Variants in DYNC2H1 observed in about 807,000 individuals in gnomAD.
The protein encoded by DYNC2H1 is dynein cytoplasmic 2 heavy chain 1, also known as cytoplasmic dynein 2 heavy chain 1.
Under a neutral mutation model 570.0 loss-of-function variants are expected in DYNC2H1, and 410 were observed. The observed-to-expected ratio is 0.72, with a 90% CI of 0.66 to 0.78. The LOEUF is 0.78. Ranked by LOEUF, DYNC2H1 falls within the 30% of genes least tolerant of loss-of-function variation. The pLI, the probability that DYNC2H1 is intolerant of heterozygous loss-of-function variation, is 0.00. For synonymous variants in DYNC2H1, 1,688 were observed against 1,677.6 expected (o/e 1.01, Z -0.15); for missense variants, 4,865 against 5,046.4 (o/e 0.96, Z 1.09).
intron 84 of DYNC2H1, among the ~76,000 whole-genome samples, chr11:103,417,107 GTCTT>G (rs1383804188): frequency 2.0e-5 from 3 of 152,018 alleles, no homozygotes; most frequent in Admixed American, 1.3e-4. Context: ...GAATGATGGA[GTCTT>G]TCTTTGTCGC....
intron 62 of DYNC2H1, 24 bp downstream of exon 62, chr11:103,235,837 C>A: frequency 6.2e-7 from 1 of 1,607,898 alleles, no homozygotes; most frequent in South Asian, 1.1e-5. Flanking sequence ...TATTCCTGAT[C>A]TTGAGAGTTT....
Position 103,387,281 on chromosome 11 carries a change from T to C in DYNC2H1, c.12157-12382T>C, listed in dbSNP as rs192775465. Among the ~76,000 whole-genome samples the C allele has an allele frequency of 2.4e-3, 360 of 152,386 alleles. 1 individual carries two copies. The highest frequency in any genetic ancestry group is 0.017 in the Middle Eastern group (5 of 294). ...GATGAGCATTTTTTCATGTGTCTTT[T>C]GGCTGCATAGATGTCTTCTTTTGAG... On this transcript the variant is annotated intron_variant, in intron 83 of 88. Coordinates refer to ENST00000375735, the MANE Select transcript of DYNC2H1 (RefSeq NM_001377.3).
chr11:103,356,030 C>G (rs976411229), intron 82 of DYNC2H1, among the ~76,000 whole-genome samples: 6 of 152,216 alleles, frequency 3.9e-5, no homozygotes, highest in Non-Finnish European at 7.4e-5. Context: ...TCTTATAGAT[C>G]TCCCAAAGCA....
At chr11:103,357,131 T>C (rs1940388171) in intron 82 of DYNC2H1, among the ~76,000 whole-genome samples, 3 of 152,280 alleles carry the variant, frequency 2.0e-5, no homozygotes, top group Middle Eastern at 6.8e-3. Context: ...TCACATTATC[T>C]GTAACCTAAT....
chr11:103,389,507 C>T (rs1290994957), intron 83 of DYNC2H1, among the ~76,000 whole-genome samples: 1 of 152,030 alleles, frequency 6.6e-6, no homozygotes, highest in Non-Finnish European at 1.5e-5. Flanking sequence ...TTCATTTCTG[C>T]TCTGATCTTA....
chr11:103,352,076 A>G (rs1940081292), intron 82 of DYNC2H1, among the ~76,000 whole-genome samples: 5 of 152,046 alleles, frequency 3.3e-5, no homozygotes, highest in Admixed American at 3.3e-4. Context: ...TATTTTCTGT[A>G]TCTGTAATTT....
intron 84 of DYNC2H1, among the ~76,000 whole-genome samples, chr11:103,418,434 A>G (rs1473263748): frequency 6.6e-6 from 1 of 152,250 alleles, no homozygotes; most frequent in Non-Finnish European, 1.5e-5. Flanking sequence ...CTTTCTACAC[A>G]CTGAAAACTA....
chr11:103,118,078 G>GT (rs1342978393), intron 6 of DYNC2H1, among the ~76,000 whole-genome samples: 3 of 151,994 alleles, frequency 2.0e-5, no homozygotes, highest in African/African-American at 7.2e-5. Context: ...CTTATATTTT[G>GT]TTTTTTATTG....
intron 47 of DYNC2H1, among the ~76,000 whole-genome samples, chr11:103,196,801 A>T (rs1862523609): frequency 6.6e-6 from 1 of 152,142 alleles, no homozygotes; most frequent in Admixed American, 6.5e-5. Flanking sequence ...AAGAAGATTT[A>T]GATTTGGAGA....
intron 57 of DYNC2H1, among the ~76,000 whole-genome samples, chr11:103,221,267 T>C (rs1055719403): frequency 3.3e-5 from 5 of 152,156 alleles, no homozygotes; most frequent in African/African-American, 1.2e-4. Flanking sequence ...GGTTCAGGTT[T>C]CATGTTATAA....
intron 83 of DYNC2H1, among the ~76,000 whole-genome samples, chr11:103,384,007 T>C (rs1941775972): frequency 6.6e-6 from 1 of 152,220 alleles, no homozygotes; most frequent in Non-Finnish European, 1.5e-5. Context: ...CTAGAGAATA[T>C]GGTCTTATGA....
chr11:103,188,616 AT>A lies in DYNC2H1; in HGVS notation c.7263del (p.Phe2421LeufsTer10). 1 of 1,608,628 alleles carries A rather than the reference AT, an allele frequency of 6.2e-7. No individual in the cohort carries two copies. The highest frequency in any genetic ancestry group is 8.5e-7 in the Non-Finnish European group (1 of 1,176,960). ...RLGRHKLTTR[F>X]TSIVRLCSID... is the part of the protein sequence containing the mutation. Reference sequence around the variant, plus strand: ...TGGGAAGACATAAACTTACTACCAGATTTACTTCCATCGTTCGTCTTTGTTC... The same window carrying A: ...TGGGAAGACATAAACTTACTACCAGATTACTTCCATCGTTCGTCTTTGTTC... On this transcript the variant is annotated frameshift_variant, in exon 44 of 89. Transcript: ENST00000375735. LOFTEE classifies it high-confidence loss of function.
intron 53 of DYNC2H1, among the ~76,000 whole-genome samples, chr11:103,210,325 A>G (rs114154962): frequency 6.8e-4 from 103 of 152,170 alleles, no homozygotes; most frequent in African/African-American, 2.3e-3. Context: ...TAATTTATAT[A>G]TGAAAAAGTT....
At chr11:103,375,135 C>A (rs1212855774) in intron 83 of DYNC2H1, among the ~76,000 whole-genome samples, 1 of 152,204 alleles carries the variant, frequency 6.6e-6, no homozygotes, top group African/African-American at 2.4e-5. Flanking sequence ...CAGACTGTTG[C>A]TTCAGAGGGT....
chr11:103,161,078 AG>A, intron 29 of DYNC2H1, 34 bp downstream of exon 29: 1 of 1,162,092 alleles, frequency 8.6e-7, no homozygotes, highest in Middle Eastern at 2.2e-4. Flanking sequence ...GAAAACAAAA[AG>A]AATTAACTAT....
At chr11:103,172,213 T>C (rs1861603508) in intron 34 of DYNC2H1, among the ~76,000 whole-genome samples, 1 of 152,168 alleles carries the variant, frequency 6.6e-6, no homozygotes, top group South Asian at 2.1e-4. Context: ...CTTCAAGATT[T>C]AGTTTCTTCT....
chr11:103,231,628 A>G (rs374990086), intron 60 of DYNC2H1, among the ~76,000 whole-genome samples: 10 of 151,992 alleles, frequency 6.6e-5, no homozygotes, highest in African/African-American at 1.9e-4. Context: ...CATGTATCCC[A>G]TTTAGTACAG....
intron 81 of DYNC2H1, among the ~76,000 whole-genome samples, chr11:103,321,917 CA>C (rs1938224936): frequency 6.6e-6 from 1 of 152,034 alleles, no homozygotes; most frequent in South Asian, 2.1e-4. Flanking sequence ...ATTACAAAGG[CA>C]TATATCTATT....
At chr11:103,290,634 C>G (rs1866555220) in intron 75 of DYNC2H1, among the ~76,000 whole-genome samples, 1 of 152,126 alleles carries the variant, frequency 6.6e-6, no homozygotes, top group South Asian at 2.1e-4. Context: ...TCAGGAAACT[C>G]TGTCTTTGTC....
Sources: allele counts gnomAD v4.1 joint callset (sites outside exome capture counted in the v4.1 genomes callset), GRCh38; gene constraint gnomAD v4.1.1; transcripts MANE v1.5; gene names NCBI Gene and HGNC (gene_info 2026-07-23, HGNC 2026-07-21).